Variants in POLR1D observed in about 807,000 individuals in gnomAD.
POLR1D encodes the protein DNA-directed RNA polymerases I and III subunit RPAC2.
In POLR1D, 8 loss-of-function variants were observed where a neutral mutation model predicts 10.8. The observed-to-expected ratio is 0.74, with a 90% CI of 0.43 to 1.33. The LOEUF is 1.33. Among genes scored for constraint, POLR1D ranks in the 40% most tolerant of loss-of-function variants. The pLI, the probability that POLR1D is intolerant of heterozygous loss-of-function variation, is 0.01. For missense variants in POLR1D, 152 were observed against 161.7 expected (o/e 0.94, Z 0.32); for synonymous variants, 54 against 57.2 (o/e 0.94, Z 0.25).
chr13:27,651,226 A>C (rs897879380), intron 2 of POLR1D: 4 of 152,202 alleles, frequency 2.6e-5, no homozygotes, highest in Non-Finnish European at 5.9e-5. Context: ...CTGCAATCAC[A>C]AAAATCCAAA....
At chr13:27,642,631 G>A (rs1180847531) in intron 1 of POLR1D, among the ~76,000 whole-genome samples, 2 of 151,616 alleles carry the variant, frequency 1.3e-5, no homozygotes, top group Non-Finnish European at 2.9e-5. Context: ...TTATTCCCCA[G>A]ATCTTAACTT....
At chr13:27,661,640 T>C (rs1239519708) in intron 2 of POLR1D, among the ~76,000 whole-genome samples, 1 of 152,002 alleles carries the variant, frequency 6.6e-6, no homozygotes, top group African/African-American at 2.4e-5. Context: ...AATGGTGGAG[T>C]GTCTAATGCC....
At chr13:27,639,483 CTTATATAAAAA>C (rs1251331515) in intron 1 of POLR1D, among the ~76,000 whole-genome samples, 2 of 152,066 alleles carry the variant, frequency 1.3e-5, no homozygotes, top group African/African-American at 2.4e-5. Flanking sequence ...TTCTTCATAG[CTTATATAAAAA>C]TTTACCATAG....
At chr13:27,644,895 G>C (rs2138551028) in intron 1 of POLR1D, among the ~76,000 whole-genome samples, 1 of 152,234 alleles carries the variant, frequency 6.6e-6, no homozygotes, top group Admixed American at 6.5e-5. Flanking sequence ...TTGCCCCTGT[G>C]ATCATGTAGA....
chr13:27,626,269 C>T (rs1355901075), downstream of POLR1D, among the ~76,000 whole-genome samples: 2 of 152,178 alleles, frequency 1.3e-5, no homozygotes, highest in Non-Finnish European at 2.9e-5. Flanking sequence ...TAGTGGACAT[C>T]AAGGTACAGA....
rs944207167 is a variant in POLR1D at position 27,634,720 on chromosome 13, G to C, written c.26+12711G>C. ...GCACATGGTCTCACTCTGTCACCCAGGCTGGAGTGCAGTGGGGTGATCTTG... is the reference window on the plus strand; with the variant it reads ...GCACATGGTCTCACTCTGTCACCCACGCTGGAGTGCAGTGGGGTGATCTTG... On this transcript the variant is annotated intron_variant, in intron 1 of 2. Transcript: ENST00000399697. Among the ~76,000 whole-genome samples the C allele has an allele frequency of 2.7e-5, 4 of 145,784 alleles. No individual in the cohort carries two copies. The Admixed American group carries it at 2.8e-4, about 10-fold the overall frequency.
upstream of POLR1D, chr13:27,620,997 G>A (rs1012363345): frequency 1.3e-5 from 2 of 153,170 alleles, no homozygotes; most frequent in Non-Finnish European, 2.9e-5. Context: ...GTCGGGGCCA[G>A]CGGCGAGGGG....
chr13:27,660,571 C>G (rs1406801768), intron 2 of POLR1D, among the ~76,000 whole-genome samples: 2 of 152,196 alleles, frequency 1.3e-5, no homozygotes, highest in Non-Finnish European at 2.9e-5. Flanking sequence ...GGTGACTCTC[C>G]TGGGCTCCTG....
At chr13:27,632,060 C>G (rs1463646969) in intron 1 of POLR1D, among the ~76,000 whole-genome samples, 1 of 152,170 alleles carries the variant, frequency 6.6e-6, no homozygotes, top group East Asian at 1.9e-4. Context: ...GCTTTATATT[C>G]TGTTTCATTT....
In POLR1D at chr13:27,623,020, A is replaced by C. The variant is rs778970080; in HGVS notation, c.172A>C (p.Met58Leu). 2.5e-6 allele frequency: 4 copies of C among 1,614,032 alleles called. No individual in the cohort carries two copies. The African/African-American group carries it at 5.3e-5, about 22-fold the overall frequency. Residue 58 changes from methionine to leucine, a missense_variant, in exon 2 of 2, where the codon ATG (methionine) becomes CTG (leucine). Met to Leu is a conservative substitution (Grantham distance 15, BLOSUM62 2). Transcript: ENST00000302979. Reference sequence around the variant, plus strand: ...TACCCTAGGAAATTCTCTACGTTACATGATCATGAAGAACCCGGAAGTGGA... The same window carrying C: ...TACCCTAGGAAATTCTCTACGTTACCTGATCATGAAGAACCCGGAAGTGGA... Reference protein sequence around the residue: ...DHTLGNSLRYMIMKNPEVEFC... With the variant: ...DHTLGNSLRYLIMKNPEVEFC...
At chr13:27,641,376 AT>A (rs1350261785) in intron 1 of POLR1D, among the ~76,000 whole-genome samples, 1 of 152,198 alleles carries the variant, frequency 6.6e-6, no homozygotes, top group Non-Finnish European at 1.5e-5. Context: ...ATCACTTTTA[AT>A]TTATATGAAA....
At chr13:27,658,402 G>A (rs756325647) in intron 2 of POLR1D, among the ~76,000 whole-genome samples, 1 of 152,190 alleles carries the variant, frequency 6.6e-6, no homozygotes, top group Non-Finnish European at 1.5e-5. Context: ...AAGACCCATC[G>A]CTGTGGAGTG....
chr13:27,659,925 T>TAC (rs1555273998), intron 2 of POLR1D, among the ~76,000 whole-genome samples: 4,354 of 149,440 alleles, frequency 0.029, 198 homozygotes, highest in African/African-American at 0.094. Context: ...TATATATATA[T>TAC]ACACACACAT....
At chr13:27,636,054 G>A (rs60792349) in intron 1 of POLR1D, among the ~76,000 whole-genome samples, 12,108 of 152,084 alleles carry the variant, frequency 0.08, 638 homozygotes, top group Non-Finnish European at 0.11. Context: ...TGGATTTTTC[G>A]GGTAAGAAAT....
At chr13:27,666,188 G>GT in exon 3 of POLR1D, 1 of 505,556 alleles carries the variant, frequency 2.0e-6, no homozygotes. Flanking sequence ...CAGTGTAGTA[G>GT]ACTTACATAT....
At chr13:27,652,269 C>G (rs986574734) in intron 2 of POLR1D, among the ~76,000 whole-genome samples, 2 of 152,210 alleles carry the variant, frequency 1.3e-5, no homozygotes, top group African/African-American at 2.4e-5. Context: ...TTTAGTACCA[C>G]CTACTGGCTT....
chr13:27,650,598 GCCAAA>G (rs1222624658), intron 2 of POLR1D: 1 of 152,288 alleles, frequency 6.6e-6, no homozygotes, highest in Non-Finnish European at 1.5e-5. Context: ...CTCTCTTTGG[GCCAAA>G]CCAAACTCTT....
At chr13:27,624,580 TA>T (rs973706333), downstream of POLR1D, among the ~76,000 whole-genome samples, 1 of 152,048 alleles carries the variant, frequency 6.6e-6, no homozygotes, top group African/African-American at 2.4e-5. Flanking sequence ...CCTGTTCTCA[TA>T]AAGCATGTGT....
chr13:27,622,105 T>G, intron 1 of POLR1D, 96 bp downstream of exon 1: 1 of 1,036,368 alleles, frequency 9.6e-7, no homozygotes, highest in African/African-American at 1.6e-5. Context: ...GGGGCCTGAC[T>G]CGGGGCGCAG....
Sources: gnomAD v4.1 joint callset for allele counts (sites outside exome capture counted in the v4.1 genomes callset) on GRCh38, gnomAD v4.1.1 for gene constraint, MANE v1.5 for transcripts, NCBI Gene and HGNC (gene_info 2026-07-23, HGNC 2026-07-21) for gene names.